The following MGAM2 variants were observed in gnomAD, a reference collection of about 807,000 sequenced individuals.
The protein encoded by MGAM2 is probable maltase-glucoamylase 2.
MGAM2 carries 98 observed loss-of-function variants against 96.1 expected under a neutral mutation model. That is an observed-to-expected ratio of 1.02 (90% CI 0.87 to 1.21). MGAM2 has a LOEUF of 1.21. MGAM2 is among the 50% of genes most tolerant of loss of function. The pLI, the probability that MGAM2 is intolerant of heterozygous loss-of-function variation, is 0.00. For synonymous variants in MGAM2, 749 were observed against 414.8 expected, an observed-to-expected ratio of 1.81 and a Z score of -9.79; for missense variants, 2,055 against 1,182.4, an observed-to-expected ratio of 1.74 and a Z score of -10.82.
At chr7:142,138,178 T>C (rs999105884) in intron 9 of MGAM2, among the ~76,000 whole-genome samples, 1 of 152,248 alleles carries the variant, frequency 6.6e-6, no homozygotes, top group Non-Finnish European at 1.5e-5. Context: ...ATTTATTTAT[T>C]TCCTCTAAGC....
At chr7:142,142,893 C>T (rs992836695) in intron 12 of MGAM2, among the ~76,000 whole-genome samples, 9 of 152,128 alleles carry the variant, frequency 5.9e-5, no homozygotes, top group African/African-American at 9.7e-5. Flanking sequence ...TTTGCTGGCT[C>T]GCTCTAGGTT....
At chr7:142,114,602 G>A (rs374808789) in intron 1 of MGAM2, among the ~76,000 whole-genome samples, 9 of 152,180 alleles carry the variant, frequency 5.9e-5, no homozygotes, top group African/African-American at 2.2e-4. Context: ...TATTCAGAGA[G>A]TGAATTTGAT....
intron 26 of MGAM2, among the ~76,000 whole-genome samples, chr7:142,168,133 AG>A (rs1796082013): frequency 6.6e-6 from 1 of 152,328 alleles, no homozygotes; most frequent in Admixed American, 6.5e-5. Context: ...TATTTTCTCT[AG>A]CAGTAGTTCT....
Position 142,214,335 on chromosome 7 carries a change from G to C in MGAM2, c.5188-4026G>C, listed in dbSNP as rs541855496. 5.9e-5 allele frequency among the ~76,000 whole-genome samples: 9 copies of C among 152,246 alleles called. No homozygotes were observed. In the South Asian group the frequency reaches 1.7e-3, roughly 28 times the overall value. On this transcript the variant is annotated intron_variant, in intron 46 of 47. Transcript: ENST00000477922. ...CAATCAGGAAAGAGAAAGAAATAAA[G>C]CTTATTCAAATAGGAAGAGAGGAAG...
At chr7:142,160,566 C>A (rs144548588) in intron 21 of MGAM2, among the ~76,000 whole-genome samples, 2 of 151,602 alleles carry the variant, frequency 1.3e-5, no homozygotes, top group African/African-American at 2.4e-5. Flanking sequence ...TATTCCCTAC[C>A]GTGTGAGAGA....
At chr7:142,206,943 A>G (rs1446174718) in intron 45 of MGAM2, among the ~76,000 whole-genome samples, 1 of 152,240 alleles carries the variant, frequency 6.6e-6, no homozygotes, top group Non-Finnish European at 1.5e-5. Flanking sequence ...ATTAACTGCT[A>G]GAAGAGGCTG....
chr7:142,187,258 G>T (rs1796728046), intron 35 of MGAM2, among the ~76,000 whole-genome samples: 1 of 152,154 alleles, frequency 6.6e-6, no homozygotes, highest in South Asian at 2.1e-4. Flanking sequence ...CTTGTGTTTG[G>T]CCTATGCCAA....
At chr7:142,133,241 T>A (rs1485774634) in intron 6 of MGAM2, among the ~76,000 whole-genome samples, 4 of 143,688 alleles carry the variant, frequency 2.8e-5, no homozygotes, top group South Asian at 2.1e-4. Context: ...GATAATTTTT[T>A]AATATAAAAT....
chr7:142,196,812 C>T lies in MGAM2; in HGVS notation c.4628C>T (p.Thr1543Ile). The change falls in exon 40 of 48, where the codon ACA (threonine) becomes ATA (isoleucine). Residue 1543 changes from threonine to isoleucine, a missense_variant. Thr to Ile is a moderately conservative substitution (Grantham distance 89, BLOSUM62 -1). Coordinates refer to ENST00000477922, the MANE Select transcript of MGAM2 (RefSeq NM_001293626.2). ...PFSRNHNNIG[T>I]RRQDPVAWNS... ...TCCAGAAACCACAACAACATCGGGA[C>T]AAGGGTGAGGCAGTAGTTCGTGCTC... is the stretch of plus-strand genomic sequence containing the variant. The T allele has an allele frequency of 1.3e-6, 1 of 779,036 alleles. No homozygotes were observed. Among genetic ancestry groups the T allele is most frequent in the Admixed American group, 1.7e-5 (1 of 58,774 alleles). 48.3% of individuals were successfully genotyped at this position (779,036 alleles called of 1,614,324 possible). A position where few individuals can be genotyped will look rare whatever the true frequency, so the allele number is the denominator to read the frequency against.
At chr7:142,179,690 T>C (rs192144871) in intron 32 of MGAM2, among the ~76,000 whole-genome samples, 6 of 152,320 alleles carry the variant, frequency 3.9e-5, no homozygotes, top group Admixed American at 3.9e-4. Flanking sequence ...CAACCTTGCG[T>C]CTCAGGGTTA....
At chr7:142,138,167 CATTT>C (rs1251138877) in intron 9 of MGAM2, among the ~76,000 whole-genome samples, 1 of 152,180 alleles carries the variant, frequency 6.6e-6, no homozygotes, top group Non-Finnish European at 1.5e-5. Context: ...TTATATTAGG[CATTT>C]ATTTATTTCC....
intron 28 of MGAM2, 140 bp downstream of exon 28, chr7:142,171,580 GT>G (rs1483320139): frequency 2.4e-6 from 1 of 422,968 alleles, no homozygotes; most frequent in Non-Finnish European, 4.3e-6. Flanking sequence ...TAGAGCACGT[GT>G]CACATTCTTT....
intron 46 of MGAM2, among the ~76,000 whole-genome samples, chr7:142,208,999 A>G (rs1797496459): frequency 6.6e-6 from 1 of 152,212 alleles, no homozygotes; most frequent in South Asian, 2.1e-4. Context: ...GTGGTATCTA[A>G]CAATAAGCAC....
At position 142,143,777 on chromosome 7, in the gene MGAM2, G is replaced by A. The variant is rs1005475797; in HGVS notation, c.1326G>A (p.Pro442=). ...CTTCCTCTGTGTCCTAGGGATATCC[G>A]GGACCGACAGTCTTTCCCGATTATA... ...SNGFAVGEGY[P]GPTVFPDYTN... Residue 442 remains proline, a synonymous_variant, in exon 13 of 48, where the codon CCG becomes CCA. Coordinates refer to ENST00000477922, the MANE Select transcript of MGAM2 (RefSeq NM_001293626.2). The A allele has an allele frequency of 3.0e-6, 2 of 674,924 alleles. No homozygotes were observed. The highest frequency in any genetic ancestry group is 5.4e-6 in the Non-Finnish European group (2 of 368,350). 41.8% of individuals were successfully genotyped at this position (674,924 alleles called of 1,614,324 possible).
At chr7:142,211,078 G>A (rs542692432) in intron 46 of MGAM2, among the ~76,000 whole-genome samples, 5 of 152,320 alleles carry the variant, frequency 3.3e-5, no homozygotes, top group Admixed American at 1.3e-4. Context: ...GCAAACTCCA[G>A]CAGACCTGCA....
At chr7:142,161,653 A>T (rs989082984) in intron 22 of MGAM2, among the ~76,000 whole-genome samples, 1 of 152,248 alleles carries the variant, frequency 6.6e-6, no homozygotes, top group Non-Finnish European at 1.5e-5. Flanking sequence ...ACATGGAATT[A>T]GTATGTATTG....
intron 37 of MGAM2, among the ~76,000 whole-genome samples, chr7:142,190,048 C>T (rs541101271): frequency 1.4e-4 from 22 of 152,028 alleles, no homozygotes; most frequent in African/African-American, 5.3e-4. Flanking sequence ...ATTTTGCTTG[C>T]CTATCTACCA....
At chr7:142,201,914 A>G (rs922750506) in intron 45 of MGAM2, among the ~76,000 whole-genome samples, 1 of 152,216 alleles carries the variant, frequency 6.6e-6, no homozygotes, top group Non-Finnish European at 1.5e-5. Flanking sequence ...ATATTCATCA[A>G]TAAGTATATT....
chr7:142,216,327 C>T (rs1585228294), intron 46 of MGAM2, among the ~76,000 whole-genome samples: 3 of 152,050 alleles, frequency 2.0e-5, no homozygotes, highest in South Asian at 2.1e-4. Flanking sequence ...TATTCAAATT[C>T]GGAGAGACAC....
Sources: allele counts gnomAD v4.1 joint callset (sites outside exome capture counted in the v4.1 genomes callset), GRCh38; gene constraint gnomAD v4.1.1; transcripts MANE v1.5; gene names NCBI Gene and HGNC (gene_info 2026-07-23, HGNC 2026-07-21).